The following UXS1 variants were observed in gnomAD, a reference collection of about 807,000 sequenced individuals.
The protein encoded by UXS1 is UDP-glucuronic acid decarboxylase 1.
UXS1 carries 33 observed loss-of-function variants against 62.6 expected under a neutral mutation model. That is an observed-to-expected ratio of 0.53 (90% CI 0.40 to 0.70). The LOEUF is 0.70. UXS1 is among the 30% of genes least tolerant of loss of function. The pLI is 0.00. For synonymous variants in UXS1, 213 were observed against 206.8 expected, an observed-to-expected ratio of 1.03 and a Z score of -0.26; for missense variants, 434 against 556.3, an observed-to-expected ratio of 0.78 and a Z score of 2.21.
chr2:106,172,131 G>C (rs1683603110), intron 1 of UXS1, among the ~76,000 whole-genome samples: 1 of 152,258 alleles, frequency 6.6e-6, no homozygotes, highest in Admixed American at 6.5e-5. Context: ...AGGCGACATG[G>C]GGTCTGTGAT....
chr2:106,164,865 A>C, intron 2 of UXS1, 66 bp from the exon 3 acceptor site: 1 of 1,230,108 alleles, frequency 8.1e-7, no homozygotes, highest in Non-Finnish European at 1.1e-6. Flanking sequence ...AATTACCCTA[A>C]CATAACCCAA....
chr2:106,130,179 G>A (rs1680319843), intron 6 of UXS1, among the ~76,000 whole-genome samples: 2 of 151,500 alleles, frequency 1.3e-5, no homozygotes, highest in South Asian at 4.2e-4. Flanking sequence ...CAAAGACACA[G>A]AACTATGGGA....
At chr2:106,178,986 C>T (rs1211176822) in intron 1 of UXS1, among the ~76,000 whole-genome samples, 1 of 152,202 alleles carries the variant, frequency 6.6e-6, no homozygotes, top group Non-Finnish European at 1.5e-5. Flanking sequence ...AGCACCAGGT[C>T]CCTGTGGGCT....
intron 2 of UXS1, 25 bp downstream of exon 2, chr2:106,166,031 T>G: frequency 6.2e-7 from 1 of 1,607,762 alleles, no homozygotes; most frequent in Non-Finnish European, 8.5e-7. Context: ...CCAACCACAG[T>G]ACCCAAGTAA....
chr2:106,153,102 T>C (rs1056510862), intron 5 of UXS1, among the ~76,000 whole-genome samples: 1 of 152,000 alleles, frequency 6.6e-6, no homozygotes, highest in Non-Finnish European at 1.5e-5. Context: ...TAGAAGGCAA[T>C]AGATCTATGA....
chr2:106,175,635 T>C (rs1261221211), intron 1 of UXS1, among the ~76,000 whole-genome samples: 1 of 152,162 alleles, frequency 6.6e-6, no homozygotes, highest in East Asian at 1.9e-4. Context: ...CTCAGAGCCC[T>C]GAACCACCAT....
Position 106,145,292 on chromosome 2 carries a change from CCACCACG to C in UXS1, c.363_369del (p.Val122ThrfsTer22). ...CTCTTCCTGCCCGTGAAGAAATTGT[CCACCACG>C]GTCACCTCGTGGCCGTCCATCATGA... is the stretch of plus-strand genomic sequence containing the variant. On this transcript the variant is annotated frameshift_variant, in exon 6 of 15. Transcript: ENST00000283148. LOFTEE classifies it high-confidence loss of function. 6.2e-7 allele frequency: 1 copy of C among 1,613,966 alleles called. No individual in the cohort carries two copies.
At chr2:106,124,024 G>A (rs1017795921) in intron 8 of UXS1, among the ~76,000 whole-genome samples, 3 of 152,186 alleles carry the variant, frequency 2.0e-5, no homozygotes, top group East Asian at 1.9e-4. Flanking sequence ...CACAGCCTCC[G>A]CAGCAATGCA....
intron 12 of UXS1, among the ~76,000 whole-genome samples, chr2:106,099,832 T>C (rs764789745): frequency 6.6e-6 from 1 of 152,188 alleles, no homozygotes; most frequent in Non-Finnish European, 1.5e-5. Context: ...TTTAAGTGAA[T>C]TTTTTTCAAA....
chr2:106,193,950 T>C (rs1258620433), intron 1 of UXS1, among the ~76,000 whole-genome samples, 198 bp downstream of exon 1: 6 of 151,364 alleles, frequency 4.0e-5, no homozygotes, highest in Non-Finnish European at 8.9e-5. Flanking sequence ...GCCTAAGCGG[T>C]AGGGGGTGTG....
rs575163124 is a variant in UXS1, at chr2:106,100,754, G to A, written c.984+304C>T. 1.5e-5 allele frequency: 5 copies of A among 323,002 alleles called. No individual in the cohort carries two copies. In the East Asian group the frequency reaches 2.4e-4, roughly 15 times the overall value. 20.0% of individuals were successfully genotyped at this position (323,002 alleles called of 1,614,324 possible). A position where few individuals can be genotyped will look rare whatever the true frequency, so the allele number is the denominator to read the frequency against. Reference sequence around the variant, plus strand: ...ATAATGATGACCCGCCTGTTAAATAGAGAACGAGATGCACACACACGTCCA... The same window carrying A: ...ATAATGATGACCCGCCTGTTAAATAAAGAACGAGATGCACACACACGTCCA... On this transcript the variant is annotated intron_variant, in intron 12 of 14. Coordinates refer to ENST00000283148, the MANE Select transcript of UXS1 (RefSeq NM_001253875.2).
chr2:106,123,293 T>A, intron 8 of UXS1, among the ~76,000 whole-genome samples: 1 of 53,724 alleles, frequency 1.9e-5, no homozygotes, highest in Non-Finnish European at 6.3e-5. Context: ...ATATTTTACT[T>A]ACAGGGGAAA....
intron 6 of UXS1, among the ~76,000 whole-genome samples, chr2:106,142,443 T>A (rs988106491): frequency 1.3e-5 from 2 of 152,230 alleles, no homozygotes; most frequent in African/African-American, 4.8e-5. Flanking sequence ...GTTTGTTGTT[T>A]CATCACTAAA....
At chr2:106,178,452 A>G (rs995863919) in intron 1 of UXS1, among the ~76,000 whole-genome samples, 4 of 152,058 alleles carry the variant, frequency 2.6e-5, no homozygotes, top group Non-Finnish European at 5.9e-5. Flanking sequence ...GTATATATGT[A>G]TGTGTGTGTA....
intron 11 of UXS1, chr2:106,102,120 C>T (rs750206936): frequency 2.6e-5 from 4 of 152,146 alleles, no homozygotes; most frequent in African/African-American, 4.8e-5. Context: ...ACGACAAATG[C>T]GTATTTCATA....
chr2:106,137,815 A>T (rs1255716590), intron 6 of UXS1, among the ~76,000 whole-genome samples: 1 of 152,092 alleles, frequency 6.6e-6, no homozygotes, highest in East Asian at 1.9e-4. Flanking sequence ...AATAAAATTT[A>T]AAAATTAAAA....
rs976886415 is a variant in UXS1, at chr2:106,139,424, A to G, written c.472+5766T>C. 8.5e-5 allele frequency among the ~76,000 whole-genome samples: 13 copies of G among 152,304 alleles called. No individual in the cohort carries two copies. In the East Asian group the frequency reaches 9.6e-4, roughly 11 times the overall value. On this transcript the variant is annotated intron_variant, in intron 6 of 14. Transcript: ENST00000283148. The stretch of plus-strand genomic sequence containing the variant: ...CAGCTGCGACTTACTCGGCCCTTCT[A>G]TGAATCCTGACTGGGGAAACTCAAC...
chr2:106,108,315 G>A (rs964960145), intron 10 of UXS1, among the ~76,000 whole-genome samples: 34 of 152,214 alleles, frequency 2.2e-4, no homozygotes, highest in African/African-American at 6.8e-4. Context: ...CAAGAGAGAA[G>A]ATGCTATGCA....
chr2:106,144,991 G>C (rs1681446883), intron 6 of UXS1, among the ~76,000 whole-genome samples, 199 bp downstream of exon 6: 3 of 152,174 alleles, frequency 2.0e-5, no homozygotes, highest in Non-Finnish European at 4.4e-5. Flanking sequence ...TAGGAGAGAA[G>C]ACGGCTATTC....
Sources: allele counts gnomAD v4.1 joint callset (sites outside exome capture counted in the v4.1 genomes callset), GRCh38; gene constraint gnomAD v4.1.1; transcripts MANE v1.5; gene names NCBI Gene and HGNC (gene_info 2026-07-23, HGNC 2026-07-21).